The following PRTG variants were observed in gnomAD, a reference collection of about 807,000 sequenced individuals.
The protein encoded by PRTG is immunoglobulin superfamily, DCC subclass, member 5.
In PRTG, 67 loss-of-function variants were observed where a neutral mutation model predicts 122.5. The ratio of observed to expected loss-of-function variants is 0.55; its 90% CI spans 0.45 to 0.67. PRTG has a LOEUF of 0.67. Ranked by LOEUF, PRTG falls within the 30% of genes least tolerant of loss-of-function variation. The probability of loss-of-function intolerance (pLI) is 0.00; values close to 1 mark genes in which losing one functional copy is unlikely to be tolerated. For synonymous variants in PRTG, 554 were observed against 501.1 expected (o/e 1.11, Z -1.41); for missense variants, 1,435 against 1,415.4 (o/e 1.01, Z -0.22).
intron 11 of PRTG, among the ~76,000 whole-genome samples, chr15:55,644,797 A>G (rs1358556430): frequency 1.3e-5 from 2 of 152,128 alleles, no homozygotes; most frequent in Non-Finnish European, 2.9e-5. Flanking sequence ...CCCAGAATAA[A>G]TTCTGGAAAT....
intron 16 of PRTG, 45 bp downstream of exon 16, chr15:55,628,776 CT>C (rs756186248): frequency 1.1e-5 from 17 of 1,487,184 alleles, no homozygotes; most frequent in Non-Finnish European, 1.6e-5. Flanking sequence ...AGGAAGAACA[CT>C]TTTTTTCTTA....
At chr15:55,722,396 T>A (rs564619010) in intron 2 of PRTG, among the ~76,000 whole-genome samples, 223 of 136,666 alleles carry the variant, frequency 1.6e-3, no homozygotes, top group Non-Finnish European at 3.4e-3. Context: ...TAAATACTTG[T>A]TGGGGAAATG....
chr15:55,659,913 C>CA (rs1035201676), intron 11 of PRTG, among the ~76,000 whole-genome samples: 31 of 105,998 alleles, frequency 2.9e-4, no homozygotes, highest in African/African-American at 1.1e-3. Flanking sequence ...AGACAGACTT[C>CA]AAAAAAAAGT....
chr15:55,660,621 A>G (rs1460777291), intron 11 of PRTG, among the ~76,000 whole-genome samples: 2 of 152,222 alleles, frequency 1.3e-5, no homozygotes, highest in South Asian at 2.1e-4. Context: ...CTTTTTCTTC[A>G]TTTGTAAAAA....
At chr15:55,665,919 CAT>C (rs1489561325) in intron 11 of PRTG, among the ~76,000 whole-genome samples, 1 of 152,168 alleles carries the variant, frequency 6.6e-6, no homozygotes, top group Non-Finnish European at 1.5e-5. Context: ...ATATGAAATT[CAT>C]ACTTCAGTGT....
intron 11 of PRTG, among the ~76,000 whole-genome samples, chr15:55,649,543 G>A (rs992785857): frequency 5.3e-5 from 8 of 152,092 alleles, no homozygotes; most frequent in Non-Finnish European, 8.8e-5. Flanking sequence ...CTAGCACTTT[G>A]GGGGGCCAAG....
intron 11 of PRTG, among the ~76,000 whole-genome samples, chr15:55,651,331 C>CAA (rs1421818495): frequency 6.6e-6 from 1 of 152,006 alleles, no homozygotes; most frequent in African/African-American, 2.4e-5. Context: ...GCAGAATAAT[C>CAA]AGATATATAA....
chr15:55,639,718 C>T lies in PRTG; in HGVS notation c.2248G>A (p.Ala750Thr). The change falls in exon 13 of 20, where the codon GCA becomes ACA. Residue 750 changes from alanine (A) to threonine (T), a missense_variant. Ala to Thr is a moderately conservative substitution (Grantham distance 58). Transcript: ENST00000389286. ...LHWRRPAFTA[A>T]QIINYTIRCN... is the part of the protein sequence containing the mutation. The stretch of plus-strand genomic sequence containing the variant: ...CGGATGGTGTAGTTAATGATTTGTG[C>T]AGCGGTGAATGCAGGCCTCCTCCAG... 1 of 1,614,122 alleles carries T rather than the reference C, an allele frequency of 6.2e-7. No homozygotes were observed. Among genetic ancestry groups the T allele is most frequent in the Non-Finnish European group, 8.5e-7 (1 of 1,180,040 alleles).
chr15:55,612,749 T>C lies in PRTG; in HGVS notation c.*7263A>G, dbSNP rs931721337. 1.5e-5 allele frequency: 2 copies of C among 129,052 alleles called. No homozygotes were observed. Among genetic ancestry groups the C allele is most frequent in the Non-Finnish European group, 3.2e-5 (2 of 62,950 alleles). 8.0% of individuals were successfully genotyped at this position (129,052 alleles called of 1,614,324 possible). On this transcript the variant is annotated 3_prime_UTR_variant, in exon 20 of 20. Transcript: ENST00000389286. ...ATATATATATATATATATATATATATGACTTAAATTGGAGTAAGATGACTT... is the reference window on the plus strand; with the variant it reads ...ATATATATATATATATATATATATACGACTTAAATTGGAGTAAGATGACTT...
intron 11 of PRTG, among the ~76,000 whole-genome samples, chr15:55,647,653 A>G (rs1444995948): frequency 6.6e-6 from 1 of 152,196 alleles, no homozygotes; most frequent in Non-Finnish European, 1.5e-5. Context: ...TAAACACACA[A>G]TAAATACTAT....
chr15:55,691,508 C>T (rs1244483086), intron 2 of PRTG, among the ~76,000 whole-genome samples: 4 of 151,596 alleles, frequency 2.6e-5, no homozygotes, highest in African/African-American at 7.3e-5. Flanking sequence ...TGGTGAAACC[C>T]TGTCTCCACT....
intron 2 of PRTG, among the ~76,000 whole-genome samples, chr15:55,704,609 G>A (rs549086948): frequency 1.3e-5 from 2 of 152,078 alleles, no homozygotes; most frequent in South Asian, 2.1e-4. Context: ...CCACTCAGTG[G>A]TATTTAGTAC....
chr15:55,715,638 C>T (rs1034242308), intron 2 of PRTG, among the ~76,000 whole-genome samples: 13 of 152,302 alleles, frequency 8.5e-5, no homozygotes, highest in African/African-American at 2.6e-4. Context: ...TCACAACATC[C>T]GAGGTCCCCT....
intron 11 of PRTG, among the ~76,000 whole-genome samples, chr15:55,642,206 GT>G (rs1410654775): frequency 4.9e-5 from 7 of 142,548 alleles, no homozygotes; most frequent in African/African-American, 1.6e-4. Flanking sequence ...AAAAAAAATA[GT>G]TATACATTTC....
chr15:55,685,372 T>G (rs993342167), intron 2 of PRTG, among the ~76,000 whole-genome samples: 3 of 151,862 alleles, frequency 2.0e-5, no homozygotes, highest in African/African-American at 7.3e-5. Context: ...AAGGGTGGAG[T>G]GGGGGTGAAA....
rs1406582103 is a variant in PRTG, at chr15:55,617,553, CT to C, written c.*2458del. ...AAAATTTTATTTTCTACTGAAAATT[CT>C]TTGGTAACAGAATTATTATGAAAAA... On this transcript the variant is annotated 3_prime_UTR_variant, in exon 20 of 20. Transcript: ENST00000389286. The C allele has an allele frequency of 1.3e-5, 2 of 151,830 alleles. No homozygotes were observed. Among genetic ancestry groups the C allele is most frequent in the Non-Finnish European group, 2.9e-5 (2 of 67,918 alleles). The allele number at this position is 151,830 out of a possible 1,614,324, so 9.4% of individuals were successfully genotyped here. A position where few individuals can be genotyped will look rare whatever the true frequency, so the allele number is the denominator to read the frequency against.
At chr15:55,719,934 C>T (rs1390333922) in intron 2 of PRTG, among the ~76,000 whole-genome samples, 12 of 151,554 alleles carry the variant, frequency 7.9e-5, no homozygotes, top group African/African-American at 1.2e-4. Flanking sequence ...TGGTGGTGGG[C>T]GCCTGGTCCC....
intron 19 of PRTG, 143 bp downstream of exon 19, chr15:55,620,520 G>A: frequency 7.5e-7 from 1 of 1,332,070 alleles, no homozygotes; most frequent in Non-Finnish European, 1.0e-6. Context: ...GCTCTCCACA[G>A]AGCCATGCCC....
chr15:55,626,644 G>A (rs923027876), intron 17 of PRTG, among the ~76,000 whole-genome samples: 1 of 151,130 alleles, frequency 6.6e-6, no homozygotes, highest in African/African-American at 2.4e-5. Context: ...TGGAGTCCCA[G>A]CTACTCGAGA....
Sources: gnomAD v4.1 joint callset for allele counts (sites outside exome capture counted in the v4.1 genomes callset) on GRCh38, gnomAD v4.1.1 for gene constraint, MANE v1.5 for transcripts, NCBI Gene and HGNC (gene_info 2026-07-23, HGNC 2026-07-21) for gene names.